Variants in SLC39A12 observed in about 807,000 individuals in gnomAD.
SLC39A12 encodes the protein solute carrier family 39 member 12.
In SLC39A12, 63 loss-of-function variants were observed where a neutral mutation model predicts 71.1. The ratio of observed to expected loss-of-function variants is 0.89; its 90% CI spans 0.72 to 1.09. The LOEUF (loss-of-function observed/expected upper bound fraction) is 1.09, where lower values mean the gene tolerates loss of function less well. Ranked by LOEUF, SLC39A12 falls within the 50% of genes least tolerant of loss-of-function variation. The pLI is 0.00. For synonymous variants in SLC39A12, 351 were observed against 301.3 expected, an observed-to-expected ratio of 1.16 and a Z score of -1.71; for missense variants, 892 against 812.6, an observed-to-expected ratio of 1.10 and a Z score of -1.19.
chr10:17,978,137 G>A, intron 5 of SLC39A12, 63 bp downstream of exon 5: 1 of 1,367,144 alleles, frequency 7.3e-7, no homozygotes, highest in Non-Finnish European at 9.9e-7. Flanking sequence ...AGCTGTGAAA[G>A]TTTTATTAGA....
At chr10:17,967,110 T>G (rs899034878) in intron 4 of SLC39A12, among the ~76,000 whole-genome samples, 7 of 152,184 alleles carry the variant, frequency 4.6e-5, no homozygotes, top group Admixed American at 1.3e-4. Flanking sequence ...TCACACTTCT[T>G]CCATCTTTTC....
intron 4 of SLC39A12, among the ~76,000 whole-genome samples, chr10:17,967,598 C>G (rs1188440786): frequency 6.6e-6 from 1 of 151,944 alleles, no homozygotes; most frequent in Non-Finnish European, 1.5e-5. Flanking sequence ...ATATTTATTT[C>G]CCAGGCCGGG....
chr10:17,952,347 A>C (rs573455226), intron 1 of SLC39A12, among the ~76,000 whole-genome samples: 4 of 151,972 alleles, frequency 2.6e-5, no homozygotes, highest in African/African-American at 9.7e-5. Flanking sequence ...TGAGGTCTCG[A>C]AATTCTGTTT....
intron 4 of SLC39A12, among the ~76,000 whole-genome samples, chr10:17,977,346 AAC>A (rs1835135693): frequency 2.0e-5 from 3 of 152,080 alleles, no homozygotes; most frequent in African/African-American, 7.2e-5. Flanking sequence ...CACTGTTGAT[AAC>A]ACTTAGGAAA....
At chr10:18,011,212 C>T (rs576250285) in intron 12 of SLC39A12, among the ~76,000 whole-genome samples, 1 of 152,202 alleles carries the variant, frequency 6.6e-6, no homozygotes, top group Non-Finnish European at 1.5e-5. Context: ...GCCTCAGCCT[C>T]TGGAGTAGCT....
Position 17,961,566 on chromosome 10 carries a change from T to G in SLC39A12, c.262-15T>G, listed in dbSNP as rs2130779028. The G allele has an allele frequency of 1.9e-6, 3 of 1,591,750 alleles. No homozygotes were observed. Among genetic ancestry groups the G allele is most frequent in the Middle Eastern group, 4.0e-4 (2 of 4,948 alleles). ...GCTTTGTTTCTTTTGTTGTTGTTAT[T>G]GTTTTCTTCCACAGTGCTTTGAACC... On this transcript the variant is annotated splice_polypyrimidine_tract_variant and intron_variant, in intron 2 of 12. Transcript: ENST00000377369.
intron 6 of SLC39A12, among the ~76,000 whole-genome samples, chr10:17,981,729 C>T (rs1260155742): frequency 1.3e-5 from 2 of 152,160 alleles, no homozygotes; most frequent in Non-Finnish European, 2.9e-5. Flanking sequence ...ATGGAGTTGC[C>T]ATTCAAACCC....
At chr10:18,036,250 A>G (rs370315344) in intron 12 of SLC39A12, among the ~76,000 whole-genome samples, 263 of 152,112 alleles carry the variant, frequency 1.7e-3, no homozygotes, top group Non-Finnish European at 2.5e-3. Context: ...CCCCAGCCTC[A>G]CTGCCGCCTT....
chr10:17,963,241 C>G (rs528496721), intron 3 of SLC39A12, among the ~76,000 whole-genome samples: 1 of 152,122 alleles, frequency 6.6e-6, no homozygotes, highest in South Asian at 2.1e-4. Flanking sequence ...AACCAGGAGG[C>G]GTGCCTACAT....
intron 8 of SLC39A12, among the ~76,000 whole-genome samples, chr10:17,992,354 A>G (rs140405229): frequency 1.1e-3 from 162 of 152,316 alleles, no homozygotes; most frequent in Non-Finnish European, 1.9e-3. Context: ...TCAGCAATAA[A>G]TAGAGGTCAT....
intron 12 of SLC39A12, among the ~76,000 whole-genome samples, chr10:18,042,463 GAAAAAAAAAA>G (rs551298382): frequency 1.7e-5 from 2 of 115,058 alleles, no homozygotes; most frequent in Non-Finnish European, 3.4e-5. Flanking sequence ...TGCCTCAAAA[GAAAAAAAAAA>G]AAAAAAAAAA....
At chr10:18,033,943 C>T (rs1169055340) in intron 12 of SLC39A12, among the ~76,000 whole-genome samples, 3 of 150,638 alleles carry the variant, frequency 2.0e-5, no homozygotes, top group Non-Finnish European at 4.4e-5. Context: ...TGTTCAGTTT[C>T]CATGTAGTTG....
At chr10:17,980,573 A>G (rs1835228686) in intron 5 of SLC39A12, among the ~76,000 whole-genome samples, 1 of 87,688 alleles carries the variant, frequency 1.1e-5, no homozygotes, top group Admixed American at 1.7e-4. Flanking sequence ...TGAGATGGAC[A>G]AATGTCTTTT....
chr10:17,987,823 A>G (rs1379799329), intron 7 of SLC39A12, among the ~76,000 whole-genome samples, 172 bp downstream of exon 7: 2 of 152,152 alleles, frequency 1.3e-5, no homozygotes, highest in African/African-American at 2.4e-5. Context: ...CTTGTAGAAG[A>G]GAAGAGATGC....
At chr10:17,973,539 C>T (rs1355640062) in intron 4 of SLC39A12, among the ~76,000 whole-genome samples, 1 of 152,154 alleles carries the variant, frequency 6.6e-6, no homozygotes, top group Non-Finnish European at 1.5e-5. Flanking sequence ...CTTCCTTTAG[C>T]ACTTTAAATA....
chr10:17,967,095 A>G (rs551754165), intron 4 of SLC39A12, among the ~76,000 whole-genome samples: 22 of 152,296 alleles, frequency 1.4e-4, no homozygotes, highest in Middle Eastern at 3.4e-3. Context: ...TTTCTTTTAT[A>G]CGTGTCACAC....
chr10:18,022,584 A>G (rs1836563198), intron 12 of SLC39A12, among the ~76,000 whole-genome samples: 2 of 152,140 alleles, frequency 1.3e-5, no homozygotes, highest in Admixed American at 1.3e-4. Flanking sequence ...TTCCTCTTGA[A>G]TCTCGATGAT....
At chr10:17,961,526 G>T in intron 2 of SLC39A12, 55 bp from the exon 3 acceptor site, 3 of 1,526,518 alleles carry the variant, frequency 2.0e-6, no homozygotes, top group South Asian at 1.3e-5. Context: ...TAGTGTTCTG[G>T]AACTATTTTG....
chr10:17,960,225 T>G (rs1370436830), intron 2 of SLC39A12, among the ~76,000 whole-genome samples: 2 of 152,180 alleles, frequency 1.3e-5, no homozygotes, highest in Non-Finnish European at 2.9e-5. Flanking sequence ...TTTGTATAGG[T>G]TCATCTCAGC....
Sources: gnomAD v4.1 joint callset for allele counts (sites outside exome capture counted in the v4.1 genomes callset) on GRCh38, gnomAD v4.1.1 for gene constraint, MANE v1.5 for transcripts, NCBI Gene and HGNC (gene_info 2026-07-23, HGNC 2026-07-21) for gene names.